The following BORCS5 variants were observed in gnomAD, a reference collection of about 807,000 sequenced individuals.
BORCS5 encodes BLOC-1-related complex subunit 5.
A neutral mutation model predicts 22.1 loss-of-function variants in BORCS5; 17 were observed. That is an observed-to-expected ratio of 0.77 (90% CI 0.53 to 1.15). The LOEUF (loss-of-function observed/expected upper bound fraction) is 1.15. Ranked by LOEUF, BORCS5 falls within the 50% of genes most tolerant of loss-of-function variation. The pLI, the probability that BORCS5 is intolerant of heterozygous loss-of-function variation, is 0.00. For synonymous variants in BORCS5, 117 were observed against 99.8 expected (o/e 1.17, Z -1.03); for missense variants, 247 against 253.2 (o/e 0.98, Z 0.17).
chr12:12,373,981 C>CTTTTTTTTT lies in BORCS5; in HGVS notation c.202+12648_202+12656dup, dbSNP rs926893487. Among the ~76,000 whole-genome samples, 31 of 89,794 alleles carry CTTTTTTTTT rather than the reference C, an allele frequency of 3.5e-4. 3 individuals are homozygous for CTTTTTTTTT. The highest frequency in any genetic ancestry group is 1.3e-3 in the African/African-American group (26 of 20,160). 58.9% of individuals were successfully genotyped at this position (89,794 alleles called of 152,430 possible). A position where few individuals can be genotyped will look rare whatever the true frequency, so the allele number is the denominator to read the frequency against. On this transcript the variant is annotated intron_variant, in intron 2 of 3. Transcript: ENST00000314565. ...AGAAGGCAGGGTTGCAGAGAGTATT[C>CTTTTTTTTT]TTTTTTTTTTTTTTTTTTTTTTTTG...
At chr12:12,420,629 T>G (rs563098947) in intron 2 of BORCS5, among the ~76,000 whole-genome samples, 1 of 152,208 alleles carries the variant, frequency 6.6e-6, no homozygotes, top group Non-Finnish European at 1.5e-5. Flanking sequence ...TATAAATTAC[T>G]TTGGGCAGTA....
intron 2 of BORCS5, among the ~76,000 whole-genome samples, chr12:12,422,013 C>G (rs1387877351): frequency 6.6e-6 from 1 of 152,106 alleles, no homozygotes; most frequent in African/African-American, 2.4e-5. Context: ...CTCCTGGACT[C>G]ATTGATTTTT....
intron 3 of BORCS5, among the ~76,000 whole-genome samples, chr12:12,436,611 T>C (rs1316253469): frequency 6.7e-6 from 1 of 150,308 alleles, no homozygotes; most frequent in African/African-American, 2.5e-5. Flanking sequence ...CAGATTTGTT[T>C]AACAAAGTGG....
At chr12:12,422,473 G>T (rs980947576) in intron 2 of BORCS5, among the ~76,000 whole-genome samples, 4 of 152,064 alleles carry the variant, frequency 2.6e-5, no homozygotes, top group Admixed American at 1.3e-4. Flanking sequence ...AATTAGCCAG[G>T]CGTGGTGGCA....
At position 12,408,870 on chromosome 12, in the gene BORCS5, G is replaced by A. The variant is rs557604899; in HGVS notation, c.203-26758G>A. On this transcript the variant is annotated intron_variant, in intron 2 of 3. Transcript: ENST00000314565. ...GAAATTTGAATTGTTTCCATGTTTT[G>A]GCTATTGTAAATCATGTTCTTTGAA... 4.6e-5 allele frequency among the ~76,000 whole-genome samples: 7 copies of A among 152,118 alleles called. No homozygotes were observed. In the South Asian group the frequency reaches 1.5e-3, roughly 32 times the overall value.
At chr12:12,411,589 T>C (rs903879912) in intron 2 of BORCS5, among the ~76,000 whole-genome samples, 1 of 152,216 alleles carries the variant, frequency 6.6e-6, no homozygotes, top group Non-Finnish European at 1.5e-5. Context: ...TAGTATCTTT[T>C]CATGCATAAA....
rs544500784 is a variant in BORCS5 at position 12,423,102 on chromosome 12, C to T, written c.203-12526C>T. Among the ~76,000 whole-genome samples, 400 of 151,974 alleles carry T rather than the reference C, an allele frequency of 2.6e-3. 2 individuals carry two copies. The highest frequency in any genetic ancestry group is 9.1e-3 in the African/African-American group (378 of 41,474). ...CTGCAAGCTCCGCCTCCCGGCTTCA[C>T]GCCATTCTCCTGCCTCAGCCTCCCA... On this transcript the variant is annotated intron_variant, in intron 2 of 3. Coordinates refer to ENST00000314565, the MANE Select transcript of BORCS5 (RefSeq NM_058169.6).
intron 3 of BORCS5, among the ~76,000 whole-genome samples, chr12:12,449,893 C>G (rs926353355): frequency 6.6e-6 from 1 of 152,204 alleles, no homozygotes; most frequent in East Asian, 1.9e-4. Context: ...TGATGCCCTT[C>G]TCACTGCAGA....
intron 2 of BORCS5, among the ~76,000 whole-genome samples, chr12:12,427,603 T>A (rs1942321640): frequency 6.6e-6 from 1 of 152,196 alleles, no homozygotes. Flanking sequence ...CTCGAAAATT[T>A]CTTATTGTTT....
At chr12:12,387,343 T>A (rs752131055) in intron 2 of BORCS5, among the ~76,000 whole-genome samples, 2 of 151,586 alleles carry the variant, frequency 1.3e-5, no homozygotes, top group African/African-American at 2.4e-5. Flanking sequence ...ATGACAGAAT[T>A]GCTTCCCAAA....
At chr12:12,374,148 T>G (rs559326470) in intron 2 of BORCS5, among the ~76,000 whole-genome samples, 1 of 150,950 alleles carries the variant, frequency 6.6e-6, no homozygotes, top group Non-Finnish European at 1.5e-5. Flanking sequence ...CCACCACGTC[T>G]GGCTAATTTT....
chr12:12,360,433 T>C (rs1235919101), intron 1 of BORCS5, among the ~76,000 whole-genome samples: 2 of 152,162 alleles, frequency 1.3e-5, no homozygotes, highest in Non-Finnish European at 2.9e-5. Context: ...AGACTCTTGC[T>C]GTCTTACCCA....
Position 12,422,926 on chromosome 12 carries a change from A to G in BORCS5, c.203-12702A>G, listed in dbSNP as rs1225050397. Among the ~76,000 whole-genome samples, 4 of 151,728 alleles carry G rather than the reference A, an allele frequency of 2.6e-5. No individual in the cohort carries two copies. In the South Asian group the frequency reaches 6.2e-4, roughly 24 times the overall value. The stretch of plus-strand genomic sequence containing the variant: ...AAAGCCAAAAGTGGAGCTACAAACC[A>G]TGGTTACAAAAGAGTTACGAACCAT... On this transcript the variant is annotated intron_variant, in intron 2 of 3. Coordinates refer to ENST00000314565, the MANE Select transcript of BORCS5 (RefSeq NM_058169.6).
chr12:12,424,856 T>A (rs971262513), intron 2 of BORCS5, among the ~76,000 whole-genome samples: 1 of 152,126 alleles, frequency 6.6e-6, no homozygotes, highest in Non-Finnish European at 1.5e-5. Context: ...TGGTTGCTTT[T>A]GAATATCCTG....
Position 12,435,779 on chromosome 12 carries a change from CAA to C in BORCS5, c.356_357del (p.Lys119ArgfsTer95). 1 of 1,611,326 alleles carries C rather than the reference CAA, an allele frequency of 6.2e-7. No homozygotes were observed. The highest frequency in any genetic ancestry group is 8.5e-7 in the Non-Finnish European group (1 of 1,178,840). On this transcript the variant is annotated frameshift_variant, in exon 3 of 4. Coordinates refer to ENST00000314565, the MANE Select transcript of BORCS5 (RefSeq NM_058169.6). LOFTEE classifies it high-confidence loss of function. The part of the protein sequence containing the change: ...FDQNALVKRI[K>X]EMDLSVETLF... ...ACCAGAATGCTTTGGTTAAACGAATCAAAGAGGTAATGTGCTGCGGGAAAATA... is the reference window on the plus strand; with the variant it reads ...ACCAGAATGCTTTGGTTAAACGAATCAGAGGTAATGTGCTGCGGGAAAATA...
intron 2 of BORCS5, among the ~76,000 whole-genome samples, chr12:12,434,016 C>T (rs1942495779): frequency 6.6e-6 from 1 of 151,804 alleles, no homozygotes; most frequent in Non-Finnish European, 1.5e-5. Flanking sequence ...AGGAAGGGTT[C>T]CCAAGATGAG....
At chr12:12,456,382 G>A (rs1405621888) in intron 3 of BORCS5, among the ~76,000 whole-genome samples, 1 of 152,202 alleles carries the variant, frequency 6.6e-6, no homozygotes. Context: ...CGTGAGCTAT[G>A]ATCAGGCCAC....
chr12:12,458,333 A>G (rs1264451926), intron 3 of BORCS5, among the ~76,000 whole-genome samples: 1 of 152,168 alleles, frequency 6.6e-6, no homozygotes, highest in Non-Finnish European at 1.5e-5. Flanking sequence ...TTCCCCCTCA[A>G]GAACAATAAT....
At chr12:12,439,490 CA>C (rs1315652337) in intron 3 of BORCS5, among the ~76,000 whole-genome samples, 1 of 151,916 alleles carries the variant, frequency 6.6e-6, no homozygotes, top group African/African-American at 2.4e-5. Context: ...AAAAAACAAA[CA>C]GGCATGGTGG....
Sources: gnomAD v4.1 joint callset for allele counts (sites outside exome capture counted in the v4.1 genomes callset) on GRCh38, gnomAD v4.1.1 for gene constraint, MANE v1.5 for transcripts, NCBI Gene and HGNC (gene_info 2026-07-23, HGNC 2026-07-21) for gene names.